Variants in ADGRV1 observed in about 807,000 individuals in gnomAD.
ADGRV1 encodes G-protein coupled receptor 98.
Under a neutral mutation model 596.2 loss-of-function variants are expected in ADGRV1, and 359 were observed. The ratio of observed to expected loss-of-function variants is 0.60; its 90% CI spans 0.55 to 0.66. The LOEUF (loss-of-function observed/expected upper bound fraction) is 0.66, where lower values mean the gene tolerates loss of function less well. Ranked by LOEUF, ADGRV1 falls within the 30% of genes least tolerant of loss-of-function variation. The pLI, the probability that ADGRV1 is intolerant of heterozygous loss-of-function variation, is 0.00. For synonymous variants in ADGRV1, 2,681 were observed against 2,679.2 expected (o/e 1.00, Z -0.02); for missense variants, 7,274 against 7,575.6 (o/e 0.96, Z 1.48).
chr5:90,906,991 G>A (rs1451778780), intron 83 of ADGRV1, among the ~76,000 whole-genome samples: 1 of 152,082 alleles, frequency 6.6e-6, no homozygotes, highest in South Asian at 2.1e-4. Context: ...GGTGGCTTCC[G>A]TTTACGGTCC....
In ADGRV1 at chr5:90,757,078, G is replaced by A. The variant is rs375804571; in HGVS notation, c.11857G>A (p.Val3953Ile). 3 of 1,613,814 alleles carry A rather than the reference G, an allele frequency of 1.9e-6. No individual in the cohort carries two copies. The highest frequency in any genetic ancestry group is 2.7e-5 in the African/African-American group (2 of 74,918). ...GGCTGGAAGCTTTGGGGCAGTAAAT[G>A]TTTATTGGAAAGCATCACCAGACAG... ...RLAGSFGAVN[V>I]YWKASPDSAG... Residue 3953 changes from valine to isoleucine, a missense_variant, in exon 57 of 90, where the codon GTT (valine) becomes ATT (isoleucine). Physicochemically the swap from Val to Ile is conservative, Grantham distance 29 (BLOSUM62 3). This residue lies in a region of ADGRV1 where 3,643 missense variants were observed against 3,809.2 expected (regional missense o/e 0.96). Coordinates refer to ENST00000405460, the MANE Select transcript of ADGRV1 (RefSeq NM_032119.4).
chr5:90,992,128 C>A (rs190822581), intron 85 of ADGRV1, among the ~76,000 whole-genome samples: 41 of 152,316 alleles, frequency 2.7e-4, no homozygotes, highest in African/African-American at 9.4e-4. Flanking sequence ...GTACGCTTCC[C>A]CACGAAGTCT....
chr5:90,693,834 A>C (rs1746807133), intron 32 of ADGRV1, 56 bp from the exon 33 acceptor site: 10 of 1,305,034 alleles, frequency 7.7e-6, no homozygotes, highest in Non-Finnish European at 1.0e-5. Context: ...CCTCTTCTCT[A>C]TTTGTAATTA....
At chr5:90,974,893 T>A (rs1395346233) in intron 84 of ADGRV1, among the ~76,000 whole-genome samples, 1 of 152,116 alleles carries the variant, frequency 6.6e-6, no homozygotes, top group Non-Finnish European at 1.5e-5. Flanking sequence ...CAAAAGAAAC[T>A]ACCATCAGAG....
intron 41 of ADGRV1, among the ~76,000 whole-genome samples, chr5:90,711,840 G>A (rs1310872398): frequency 3.3e-5 from 5 of 152,042 alleles, no homozygotes; most frequent in African/African-American, 7.2e-5. Context: ...GCAGTGGTGC[G>A]ATCTCGGCTC....
At chr5:90,774,691 T>TA (rs1326091149) in intron 60 of ADGRV1, among the ~76,000 whole-genome samples, 1 of 152,166 alleles carries the variant, frequency 6.6e-6, no homozygotes, top group African/African-American at 2.4e-5. Flanking sequence ...TCAATTACAT[T>TA]AAAAATTAAG....
At chr5:90,756,851 T>C in intron 56 of ADGRV1, 128 bp from the exon 57 acceptor site, 1 of 809,006 alleles carries the variant, frequency 1.2e-6, no homozygotes, top group Non-Finnish European at 1.9e-6. Flanking sequence ...TGCATACTTA[T>C]ATCTGACTAT....
intron 73 of ADGRV1, among the ~76,000 whole-genome samples, chr5:90,809,858 G>A (rs1581193612): frequency 6.6e-6 from 1 of 152,180 alleles, no homozygotes; most frequent in South Asian, 2.1e-4. Flanking sequence ...TTTCTATTTG[G>A]TAGATAACAA....
chr5:90,611,622 G>A (rs1440282994), intron 1 of ADGRV1, among the ~76,000 whole-genome samples: 1 of 151,714 alleles, frequency 6.6e-6, no homozygotes. Context: ...TACAAATTAC[G>A]CACATCATGA....
intron 85 of ADGRV1, among the ~76,000 whole-genome samples, chr5:91,047,916 CTT>C (rs1466170571): frequency 6.6e-6 from 1 of 152,188 alleles, no homozygotes; most frequent in African/African-American, 2.4e-5. Context: ...CAAAGATAGT[CTT>C]GACGCAATTA....
intron 17 of ADGRV1, among the ~76,000 whole-genome samples, chr5:90,648,147 G>A (rs1305211160): frequency 6.6e-6 from 1 of 152,158 alleles, no homozygotes; most frequent in East Asian, 1.9e-4. Context: ...GCAGGGTGCT[G>A]GCACACTTGA....
intron 50 of ADGRV1, among the ~76,000 whole-genome samples, chr5:90,737,035 G>A (rs937193866): frequency 1.3e-5 from 2 of 150,976 alleles, no homozygotes; most frequent in African/African-American, 4.9e-5. Context: ...TCCTTTAGTT[G>A]TAATATTAGA....
chr5:90,829,259 G>A, intron 77 of ADGRV1, 73 bp downstream of exon 77: 2 of 1,159,012 alleles, frequency 1.7e-6, no homozygotes, highest in East Asian at 2.5e-5. Context: ...AATGACATAG[G>A]GAATAATTGA....
At chr5:90,814,351 T>C (rs1005365194) in intron 74 of ADGRV1, among the ~76,000 whole-genome samples, 2 of 152,208 alleles carry the variant, frequency 1.3e-5, no homozygotes, top group Non-Finnish European at 2.9e-5. Context: ...TCTGTTTCCT[T>C]AACCCAACCT....
chr5:91,128,147 A>G (rs1025885468), intron 87 of ADGRV1, among the ~76,000 whole-genome samples: 3 of 151,328 alleles, frequency 2.0e-5, no homozygotes, highest in African/African-American at 7.3e-5. Context: ...TAAACTCTCC[A>G]AAGTCAAATC....
chr5:90,776,546 C>A lies in ADGRV1; in HGVS notation c.12497C>A (p.Ser4166Ter). 1 of 1,613,332 alleles carries A rather than the reference C, an allele frequency of 6.2e-7. No individual in the cohort carries two copies. Among genetic ancestry groups the A allele is most frequent in the South Asian group, 1.1e-5 (1 of 91,060 alleles). Reference protein sequence around the residue: ...SSRHILIGEPSAKYNGTAIIS... With the variant: ...SSRHILIGEP Reference sequence around the variant, plus strand: ...AGGCACATCCTCATTGGGGAACCCTCAGCAAAATATAATGGTACCGCTATT... The same window carrying A: ...AGGCACATCCTCATTGGGGAACCCTAAGCAAAATATAATGGTACCGCTATT... The change falls in exon 61 of 90, where the codon TCA (serine) becomes TAA (stop). Residue 4166 changes from serine to a stop codon, truncating the protein, a stop_gained. Transcript: ENST00000405460. LOFTEE classifies it high-confidence loss of function.
chr5:90,607,524 G>A (rs532568038), intron 1 of ADGRV1, among the ~76,000 whole-genome samples: 3 of 152,164 alleles, frequency 2.0e-5, no homozygotes, highest in African/African-American at 4.8e-5. Context: ...TATGATGATC[G>A]AATTCAGAGA....
chr5:90,852,404 A>G (rs1013903788), intron 79 of ADGRV1, among the ~76,000 whole-genome samples: 2 of 152,228 alleles, frequency 1.3e-5, no homozygotes, highest in East Asian at 3.8e-4. Flanking sequence ...CATTTAATGC[A>G]TAAATCTTAT....
At chr5:90,592,541 G>T (rs1759651708) in intron 1 of ADGRV1, among the ~76,000 whole-genome samples, 1 of 152,156 alleles carries the variant, frequency 6.6e-6, no homozygotes, top group South Asian at 2.1e-4. Context: ...GCCATTTGTT[G>T]CTTTTGGTGT....
Sources: allele counts gnomAD v4.1 joint callset (sites outside exome capture counted in the v4.1 genomes callset), GRCh38; gene constraint gnomAD v4.1.1; regional missense constraint gnomAD v4.1.1; transcripts MANE v1.5; gene names NCBI Gene and HGNC (gene_info 2026-07-23, HGNC 2026-07-21).